Variants in PVR observed in about 807,000 individuals in gnomAD.
PVR encodes the protein poliovirus receptor.
In PVR, 39 loss-of-function variants were observed where a neutral mutation model predicts 43.3. That is an observed-to-expected ratio of 0.90 (90% confidence interval 0.70 to 1.18). PVR has a LOEUF of 1.18. Among genes scored for constraint, PVR ranks in the 50% most tolerant of loss-of-function variants. The probability of loss-of-function intolerance (pLI) is 0.00; values close to 1 mark genes in which losing one functional copy is unlikely to be tolerated. For synonymous variants in PVR, 224 were observed against 233.2 expected (o/e 0.96, Z 0.36); for missense variants, 480 against 549.7 (o/e 0.87, Z 1.27).
intron 3 of PVR, among the ~76,000 whole-genome samples, chr19:44,652,416 C>G (rs375245963): frequency 6.6e-6 from 1 of 152,188 alleles, no homozygotes; most frequent in African/African-American, 2.4e-5. Context: ...TGAAGTCTTG[C>G]TCTGTCACCC....
intron 3 of PVR, among the ~76,000 whole-genome samples, chr19:44,651,512 T>G (rs532002342): frequency 9.9e-5 from 15 of 152,252 alleles, no homozygotes; most frequent in African/African-American, 3.6e-4. Flanking sequence ...CTTCTCACAT[T>G]GTTTGTGCTG....
At chr19:44,653,738 C>T (rs1040155094) in intron 3 of PVR, 162 bp from the exon 4 acceptor site, 6 of 608,260 alleles carry the variant, frequency 9.9e-6, no homozygotes, top group African/African-American at 9.1e-5. Context: ...TAGGCTTCTG[C>T]TCTCTGTGGC....
rs28559829 is a variant in PVR at position 44,646,686 on chromosome 19, C to G, written c.80-537C>G. On this transcript the variant is annotated intron_variant, in intron 1 of 7. Coordinates refer to ENST00000425690, the MANE Select transcript of PVR (RefSeq NM_006505.5). ...ACGCGGAAAGCTGAGGCAGGAGAAC[C>G]GCTTGAACCCCAGAGGCAGAGCTTG... is the stretch of plus-strand genomic sequence containing the variant. Among the ~76,000 whole-genome samples the G allele has an allele frequency of 7.9e-3, 1,202 of 152,160 alleles. 18 individuals carry two copies. The highest frequency in any genetic ancestry group is 0.027 in the African/African-American group (1,133 of 41,490).
Position 44,647,316 on chromosome 19 carries a change from T to C in PVR, c.173T>C (p.Val58Ala), listed in dbSNP as rs752003264. 4 of 1,608,000 alleles carry C rather than the reference T, an allele frequency of 2.5e-6. No individual in the cohort carries two copies. In the South Asian group the frequency reaches 4.5e-5, roughly 18 times the overall value. The change falls in exon 2 of 8, where the codon GTG becomes GCG. Residue 58 changes from valine (V) to alanine (A), a missense_variant. Coordinates refer to ENST00000425690, the MANE Select transcript of PVR (RefSeq NM_006505.5). ...TACCTACAGGTGCCCAACATGGAGG[T>C]GACGCATGTGTCACAGCTGACTTGG... is the stretch of plus-strand genomic sequence containing the variant. ...PCYLQVPNME[V>A]THVSQLTWAR...
intron 4 of PVR, among the ~76,000 whole-genome samples, chr19:44,657,402 A>C (rs1382965701): frequency 6.6e-6 from 1 of 152,164 alleles, no homozygotes; most frequent in Non-Finnish European, 1.5e-5. Flanking sequence ...GAACTGACTT[A>C]GGGTTCACAG....
At chr19:44,649,264 C>T (rs931227865) in intron 2 of PVR, among the ~76,000 whole-genome samples, 2 of 152,082 alleles carry the variant, frequency 1.3e-5, no homozygotes, top group Admixed American at 6.6e-5. Flanking sequence ...ATTTATTGAG[C>T]GCTTATTATA....
intron 4 of PVR, among the ~76,000 whole-genome samples, chr19:44,655,983 C>T (rs1406203545): frequency 1.3e-5 from 2 of 151,296 alleles, no homozygotes; most frequent in East Asian, 3.9e-4. Flanking sequence ...GATCCTCCAG[C>T]TTCAGCCTCC....
Position 44,663,015 on chromosome 19 carries a change from C to G in PVR, c.*1204C>G, listed in dbSNP as rs1356227073. ...GCCAGCATCTGCAGCCACTTTCTGC[C>G]AGCATCTGCAGCCAGCAAGCTGGGA... On this transcript the variant is annotated 3_prime_UTR_variant, in exon 8 of 8. Transcript: ENST00000425690. The G allele has an allele frequency of 6.6e-6, 1 of 152,170 alleles. No homozygotes were observed. Among genetic ancestry groups the G allele is most frequent in the African/African-American group, 2.4e-5 (1 of 41,404 alleles). 9.4% of individuals were successfully genotyped at this position (152,170 alleles called of 1,614,324 possible). A position where few individuals can be genotyped will look rare whatever the true frequency, so the allele number is the denominator to read the frequency against.
At chr19:44,660,446 A>G (rs2123771385) in intron 6 of PVR, among the ~76,000 whole-genome samples, 1 of 152,290 alleles carries the variant, frequency 6.6e-6, no homozygotes, top group South Asian at 2.1e-4. Flanking sequence ...TGTATTTGCT[A>G]TGATTGTTAT....
chr19:44,658,110 A>T (rs1027555932), intron 5 of PVR, among the ~76,000 whole-genome samples, 200 bp downstream of exon 5: 4 of 152,162 alleles, frequency 2.6e-5, no homozygotes, highest in African/African-American at 7.2e-5. Flanking sequence ...CTCCCTCCAC[A>T]CACACAGGTT....
rs61229833 is a variant in PVR, at chr19:44,665,635, CAAA to C, written c.*3847_*3849del. The C allele has an allele frequency of 9.8e-4, 57 of 58,380 alleles. No individual in the cohort carries two copies. The highest frequency in any genetic ancestry group is 3.2e-3 in the African/African-American group (49 of 15,480). The allele number at this position is 58,380 out of a possible 1,614,324, so 3.6% of individuals were successfully genotyped here. ...GGTGACAAGAGTGAGACTCTGTCTCCAAAAAAAAAAAAAAAAAAAAAAAAACTG... is the reference window on the plus strand; with the variant it reads ...GGTGACAAGAGTGAGACTCTGTCTCCAAAAAAAAAAAAAAAAAAAAAACTG... On this transcript the variant is annotated 3_prime_UTR_variant, in exon 8 of 8. Coordinates refer to ENST00000425690, the MANE Select transcript of PVR (RefSeq NM_006505.5).
intron 1 of PVR, among the ~76,000 whole-genome samples, chr19:44,645,076 T>C (rs1227966121): frequency 1.1e-5 from 1 of 93,960 alleles, no homozygotes; most frequent in Non-Finnish European, 1.9e-5. Context: ...TAGTAATATA[T>C]AATATATAAT....
At chr19:44,657,628 T>C (rs10410651) in intron 4 of PVR, 134 bp from the exon 5 acceptor site, 251,641 of 788,402 alleles carry the variant, frequency 0.32, 46,789 homozygotes, top group African/African-American at 0.71. Flanking sequence ...AGGGAAGAGT[T>C]GGGGGGCCTC....
At position 44,666,001 on chromosome 19, in the gene PVR, G is replaced by C. The variant is rs1183341642; in HGVS notation, c.*4190G>C. 1 of 152,320 alleles carries C rather than the reference G, an allele frequency of 6.6e-6. No homozygotes were observed. 9.4% of individuals were successfully genotyped at this position (152,320 alleles called of 1,614,324 possible). A position where few individuals can be genotyped will look rare whatever the true frequency, so the allele number is the denominator to read the frequency against. ...AACAGGACCTGCCCTCTGGGGCTGG[G>C]GAGAGGCCCAGATGAAGGCTGCAGG... On this transcript the variant is annotated 3_prime_UTR_variant, in exon 8 of 8. Coordinates refer to ENST00000425690, the MANE Select transcript of PVR (RefSeq NM_006505.5).
In PVR at chr19:44,663,066, A is replaced by T. The variant is rs1277420596; in HGVS notation, c.*1255A>T. On this transcript the variant is annotated 3_prime_UTR_variant, in exon 8 of 8. Transcript: ENST00000425690. ...CTGGCAGGAAATAACCCACAAAAGA[A>T]GCAAATGCAATTTCCAACACAAGGG... The T allele has an allele frequency of 6.6e-6, 1 of 152,336 alleles. No individual in the cohort carries two copies. 9.4% of individuals were successfully genotyped at this position (152,336 alleles called of 1,614,324 possible).
chr19:44,644,719 C>CTTT (rs11362724), intron 1 of PVR, among the ~76,000 whole-genome samples: 1 of 135,938 alleles, frequency 7.4e-6, no homozygotes. Context: ...TTCTTTCATT[C>CTTT]TTTTTTTTTT....
At position 44,661,291 on chromosome 19, in the gene PVR, G is replaced by T; in HGVS notation, c.1151-1G>T. On this transcript the variant is annotated splice_acceptor_variant, in intron 6 of 7. Transcript: ENST00000425690. LOFTEE classifies it high-confidence loss of function. Reference sequence around the variant, plus strand: ...GACGACTTCCCCTCCTATTTCCCCAGGTACAGAGCATGCCAGCGCCTCAGC... The same window carrying T: ...GACGACTTCCCCTCCTATTTCCCCATGTACAGAGCATGCCAGCGCCTCAGC... 1 of 1,613,748 alleles carries T rather than the reference G, an allele frequency of 6.2e-7. No homozygotes were observed. Among genetic ancestry groups the T allele is most frequent in the Non-Finnish European group, 8.5e-7 (1 of 1,179,662 alleles).
At position 44,653,902 on chromosome 19, in the gene PVR, C is replaced by A. The variant is rs747225841; in HGVS notation, c.727C>A (p.Pro243Thr). 1.2e-6 allele frequency: 2 copies of A among 1,606,556 alleles called. No homozygotes were observed. Among genetic ancestry groups the A allele is most frequent in the Non-Finnish European group, 1.7e-6 (2 of 1,173,060 alleles). ...LLTVNLTVYY[P>T]PEVSISGYDN... is the part of the protein sequence containing the mutation. ...ACCTCTGTATCCATTTCCTGCAGAC[C>A]CCCCAGAGGTATCCATCTCTGGCTA... Residue 243 changes from proline to threonine, a missense_variant and splice_region_variant, in exon 4 of 8, where the codon CCC becomes ACC. Physicochemically the swap from Pro to Thr is conservative, Grantham distance 38 (BLOSUM62 -1). Coordinates refer to ENST00000425690, the MANE Select transcript of PVR (RefSeq NM_006505.5).
At chr19:44,656,137 C>T (rs2123764525) in intron 4 of PVR, among the ~76,000 whole-genome samples, 1 of 152,250 alleles carries the variant, frequency 6.6e-6, no homozygotes, top group South Asian at 2.1e-4. Flanking sequence ...TGGTCTTGAA[C>T]TCCTGTACTC....
Sources: gnomAD v4.1 joint callset for allele counts (sites outside exome capture counted in the v4.1 genomes callset) on GRCh38, gnomAD v4.1.1 for gene constraint, MANE v1.5 for transcripts, NCBI Gene and HGNC (gene_info 2026-07-23, HGNC 2026-07-21) for gene names.